AFF3: variants seen among roughly 807,000 people sequenced by gnomAD.
The protein encoded by AFF3 is AF4/FMR2 family member 3.
In AFF3, 32 loss-of-function variants were observed where a neutral mutation model predicts 129.7. That is an observed-to-expected ratio of 0.25 (90% CI 0.19 to 0.33). AFF3 has a LOEUF of 0.33. Ranked by LOEUF, AFF3 falls within the 10% of genes least tolerant of loss-of-function variation. The pLI is 1.00. For synonymous variants in AFF3, 644 were observed against 635.4 expected (o/e 1.01, Z -0.20); for missense variants, 1,373 against 1,592.0 (o/e 0.86, Z 2.34).
At chr2:99,916,225 A>G (rs1278904515) in intron 7 of AFF3, among the ~76,000 whole-genome samples, 1 of 152,204 alleles carries the variant, frequency 6.6e-6, no homozygotes, top group African/African-American at 2.4e-5. Context: ...GCGAGACCTT[A>G]GCATTACTTC....
chr2:100,002,627 C>T (rs1017248943), intron 7 of AFF3, among the ~76,000 whole-genome samples: 1 of 152,170 alleles, frequency 6.6e-6, no homozygotes, highest in Non-Finnish European at 1.5e-5. Flanking sequence ...ATTCAGGTGT[C>T]TCTTTCCTTA....
intron 7 of AFF3, among the ~76,000 whole-genome samples, chr2:99,876,235 T>C (rs1692286496): frequency 6.6e-6 from 1 of 152,190 alleles, no homozygotes; most frequent in African/African-American, 2.4e-5. Flanking sequence ...CCAGCCCAGA[T>C]TTGCTGGCTG....
chr2:99,890,102 G>C (rs897482956), intron 7 of AFF3, among the ~76,000 whole-genome samples: 15 of 152,150 alleles, frequency 9.9e-5, no homozygotes, highest in Non-Finnish European at 2.2e-4. Flanking sequence ...GTTCTCCCCC[G>C]AGTGCCCCAG....
chr2:99,581,562 A>G (rs1307474989), intron 17 of AFF3, among the ~76,000 whole-genome samples: 1 of 149,868 alleles, frequency 6.7e-6, no homozygotes, highest in African/African-American at 2.5e-5. Context: ...TCTGTCACCC[A>G]GGCTGCAGTG....
At chr2:99,825,686 T>C (rs10178317) in intron 8 of AFF3, among the ~76,000 whole-genome samples, 238 of 152,304 alleles carry the variant, frequency 1.6e-3, no homozygotes, top group African/African-American at 5.5e-3. Context: ...AAAGGCTTAG[T>C]CTCATGAAAG....
chr2:99,730,959 T>C (rs1679776869), intron 10 of AFF3, among the ~76,000 whole-genome samples: 1 of 152,064 alleles, frequency 6.6e-6, no homozygotes, highest in Admixed American at 6.5e-5. Context: ...AAGTGATGTG[T>C]TTTTCTTTGC....
chr2:100,075,209 T>TA (rs1339853485), intron 4 of AFF3, among the ~76,000 whole-genome samples: 1 of 152,082 alleles, frequency 6.6e-6, no homozygotes, highest in Non-Finnish European at 1.5e-5. Flanking sequence ...TGAACTAAGT[T>TA]AAAATTCAAG....
chr2:99,713,206 A>G (rs1407923870), intron 11 of AFF3, among the ~76,000 whole-genome samples: 2 of 152,086 alleles, frequency 1.3e-5, no homozygotes, highest in African/African-American at 4.8e-5. Flanking sequence ...ATGCCACTGA[A>G]CTGCACACTT....
intron 14 of AFF3, among the ~76,000 whole-genome samples, chr2:99,598,683 G>A (rs1679525804): frequency 6.6e-6 from 1 of 152,206 alleles, no homozygotes; most frequent in African/African-American, 2.4e-5. Context: ...AGCACAAACT[G>A]GTCTGAGCAG....
chr2:99,955,355 T>A (rs1676539972), intron 7 of AFF3, among the ~76,000 whole-genome samples: 2 of 152,312 alleles, frequency 1.3e-5, no homozygotes, highest in Non-Finnish European at 2.9e-5. Context: ...GCAATTAAAT[T>A]TATAGAAAAC....
chr2:99,927,943 C>G (rs377352401), intron 7 of AFF3, among the ~76,000 whole-genome samples: 2 of 152,154 alleles, frequency 1.3e-5, no homozygotes, highest in Admixed American at 1.3e-4. Context: ...AGGTGTTTCC[C>G]GTGCTGTTCT....
chr2:99,916,671 G>C (rs1695497127), intron 7 of AFF3, among the ~76,000 whole-genome samples: 1 of 152,158 alleles, frequency 6.6e-6, no homozygotes, highest in Admixed American at 6.5e-5. Context: ...CAGCAGGCCA[G>C]TGGCACACTG....
intron 8 of AFF3, among the ~76,000 whole-genome samples, chr2:99,760,626 C>A (rs1005591854): frequency 6.6e-6 from 1 of 152,176 alleles, no homozygotes; most frequent in Non-Finnish European, 1.5e-5. Flanking sequence ...CTGTGTTCCC[C>A]ACTTCACCCC....
chr2:99,692,241 C>T (rs542690843), intron 11 of AFF3, among the ~76,000 whole-genome samples: 2 of 152,180 alleles, frequency 1.3e-5, no homozygotes, highest in Non-Finnish European at 2.9e-5. Context: ...GACTCAGTCC[C>T]AAGGCCCAGG....
intron 7 of AFF3, among the ~76,000 whole-genome samples, chr2:99,853,057 A>ATTTTGC (rs1398073585): frequency 1.3e-5 from 2 of 152,240 alleles, no homozygotes; most frequent in African/African-American, 4.8e-5. Flanking sequence ...GCAAAATGCA[A>ATTTTGC]ATGGAAATGC....
chr2:100,033,245 G>C (rs1684654919), intron 4 of AFF3, among the ~76,000 whole-genome samples: 1 of 151,930 alleles, frequency 6.6e-6, no homozygotes, highest in African/African-American at 2.4e-5. Context: ...AAACATACAG[G>C]GTTAGCAAGA....
At chr2:99,605,197 C>T (rs776186274) in intron 13 of AFF3, among the ~76,000 whole-genome samples, 6 of 152,164 alleles carry the variant, frequency 3.9e-5, no homozygotes, top group Admixed American at 6.5e-5. Flanking sequence ...TCTTAAATTA[C>T]GAAATTCACT....
At chr2:100,103,883 A>G (rs1349709955) in intron 4 of AFF3, among the ~76,000 whole-genome samples, 2 of 151,298 alleles carry the variant, frequency 1.3e-5, no homozygotes, top group Non-Finnish European at 2.9e-5. Context: ...TCACTTTTCC[A>G]TCTCGGTGGA....
chr2:99,605,319 T>A (rs10209935), intron 13 of AFF3, among the ~76,000 whole-genome samples: 4 of 152,258 alleles, frequency 2.6e-5, no homozygotes, highest in African/African-American at 9.6e-5. Flanking sequence ...AAATTTATGA[T>A]GTCTGGATTA....
Sources: gnomAD v4.1 joint callset for allele counts (sites outside exome capture counted in the v4.1 genomes callset) on GRCh38, gnomAD v4.1.1 for gene constraint, MANE v1.5 for transcripts, NCBI Gene and HGNC (gene_info 2026-07-23, HGNC 2026-07-21) for gene names.